Variants in PIGG observed in about 807,000 individuals in gnomAD.
PIGG encodes GPI ethanolamine phosphate transferase 2, catalytic subunit.
In PIGG, 70 loss-of-function variants were observed where a neutral mutation model predicts 83.2. The observed-to-expected ratio is 0.84, with a 90% confidence interval of 0.69 to 1.03. The LOEUF is 1.03. Ranked by LOEUF, PIGG falls within the 50% of genes least tolerant of loss-of-function variation. The pLI is 0.00. For synonymous variants in PIGG, 532 were observed against 519.5 expected, an observed-to-expected ratio of 1.02 and a Z score of -0.33; for missense variants, 1,257 against 1,233.6, an observed-to-expected ratio of 1.02 and a Z score of -0.28.
chr4:509,049 AT>A (rs782138633), intron 5 of PIGG, 79 bp downstream of exon 5: 7 of 1,247,872 alleles, frequency 5.6e-6, no homozygotes, highest in East Asian at 4.8e-5. Context: ...TTGAAAACCT[AT>A]TTTTTAGAAG....
chr4:534,080 G>C, intron 12 of PIGG, 99 bp downstream of exon 12: 1 of 973,656 alleles, frequency 1.0e-6, no homozygotes, highest in Middle Eastern at 2.9e-4. Context: ...AAGCTCCATG[G>C]GTCCAACAGT....
At chr4:525,374 A>G in intron 9 of PIGG, 10 of 985,250 alleles carry the variant, frequency 1.0e-5, no homozygotes, top group Non-Finnish European at 1.2e-5. Context: ...CAAAAGAAGC[A>G]GCACAATGAG....
Position 528,244 on chromosome 4 carries a change from T to G in PIGG, c.2261+1014T>G. The G allele has an allele frequency of 1.0e-6, 1 of 983,408 alleles. No homozygotes were observed. Among genetic ancestry groups the G allele is most frequent in the South Asian group, 4.7e-5 (1 of 21,252 alleles). 60.9% of individuals were successfully genotyped at this position (983,408 alleles called of 1,614,324 possible). ...TGTGTACCTGTTTTTTTTTTCATAC[T>G]TATATGAAAGACTACATACTTAAAA... On this transcript the variant is annotated intron_variant, in intron 10 of 12. Coordinates refer to ENST00000453061, the MANE Select transcript of PIGG (RefSeq NM_001127178.3). This position sits in a 1 kb window ranked among gnomAD's most constrained non-coding sequence, Gnocchi z 4.8.
At chr4:530,309 C>A in intron 10 of PIGG, 127 bp from the exon 11 acceptor site, 1 of 678,116 alleles carries the variant, frequency 1.5e-6, no homozygotes, top group Non-Finnish European at 2.5e-6. Flanking sequence ...GGTGCCGCGG[C>A]TCCTTTAGTC....
Position 505,811 on chromosome 4 carries a change from A to G in PIGG, c.454A>G (p.Lys152Glu). 1 of 1,613,632 alleles carries G rather than the reference A, an allele frequency of 6.2e-7. No individual in the cohort carries two copies. The highest frequency in any genetic ancestry group is 8.5e-7 in the Non-Finnish European group (1 of 1,179,874). ...GGAAGACAGTGTGATAAGACAAGCA[A>G]AAGCAGCTGGAAAAAGAATAGTCTT... ...LLEDSVIRQAKAAGKRIVFYG... is the reference protein window; with the variant it reads ...LLEDSVIRQAEAAGKRIVFYG... Residue 152 changes from lysine (K) to glutamate (E), a missense_variant, in exon 3 of 13, where the codon AAA becomes GAA. Lys to Glu is a moderately conservative substitution (Grantham distance 56). Coordinates refer to ENST00000453061, the MANE Select transcript of PIGG (RefSeq NM_001127178.3).
At chr4:534,756 C>T (rs990463312) in intron 12 of PIGG, among the ~76,000 whole-genome samples, 2 of 151,580 alleles carry the variant, frequency 1.3e-5, no homozygotes, top group Non-Finnish European at 2.9e-5. Context: ...ATCCACATCC[C>T]CATCTCCTGG....
intron 12 of PIGG, among the ~76,000 whole-genome samples, chr4:534,873 C>T (rs1730065718): frequency 1.3e-5 from 2 of 151,898 alleles, no homozygotes; most frequent in African/African-American, 4.8e-5. Flanking sequence ...CGGGGGACCC[C>T]AGATCAAGGG....
chr4:514,997 GTTCT>G (rs1344229915), intron 5 of PIGG, among the ~76,000 whole-genome samples: 2 of 152,346 alleles, frequency 1.3e-5, no homozygotes, highest in East Asian at 3.9e-4. Flanking sequence ...GGAGTGGAAG[GTTCT>G]TTCTAAGCAT....
rs1355765863 is a variant in PIGG, at chr4:516,009, A to G, written c.938A>G (p.Asp313Gly). The part of the protein sequence containing the change: ...IRHPKHVQQT[D>G]VAATLAIALG... ...CATCCAAAGCACGTCCAACAGACGGATGTGGCTGCGACACTGGCGATAGCA... is the reference window on the plus strand; with the variant it reads ...CATCCAAAGCACGTCCAACAGACGGGTGTGGCTGCGACACTGGCGATAGCA... The change falls in exon 6 of 13, where the codon GAT becomes GGT. Residue 313 changes from aspartate to glycine, a missense_variant. Asp to Gly is a moderately conservative substitution (Grantham distance 94). Coordinates refer to ENST00000453061, the MANE Select transcript of PIGG (RefSeq NM_001127178.3). The G allele has an allele frequency of 6.2e-7, 1 of 1,614,130 alleles. No individual in the cohort carries two copies. Among genetic ancestry groups the G allele is most frequent in the East Asian group, 2.2e-5 (1 of 44,904 alleles).
At chr4:508,746 G>A (rs1720809934) in intron 4 of PIGG, 83 bp from the exon 5 acceptor site, 2 of 1,331,908 alleles carry the variant, frequency 1.5e-6, no homozygotes, top group Non-Finnish European at 2.1e-6. Context: ...ATAAAGTAAA[G>A]CTAAAACCGA....
intron 5 of PIGG, among the ~76,000 whole-genome samples, chr4:513,065 C>T (rs539286746): frequency 6.6e-6 from 1 of 152,274 alleles, no homozygotes; most frequent in South Asian, 2.1e-4. Flanking sequence ...AGGGAGCAGG[C>T]CACGGTTCAA....
chr4:518,031 C>G (rs1044462548), intron 6 of PIGG, among the ~76,000 whole-genome samples: 1 of 152,082 alleles, frequency 6.6e-6, no homozygotes, highest in African/African-American at 2.4e-5. Flanking sequence ...AGATGTAAAC[C>G]GGCCTCCTAG....
rs760527742 is a variant in PIGG at position 539,291 on chromosome 4, G to A, written c.2874G>A (p.Glu958=). ...TATTTTCTCCAAAACTTCTCTACGA[G>A]GGAATGCACCTGCTCATTACAGCTG... is the stretch of plus-strand genomic sequence containing the variant. ...WSVFSPKLLY[E]GMHLLITAAV... is the part of the protein sequence containing the mutation. The change falls in exon 13 of 13, where the codon GAG becomes GAA. Residue 958 remains glutamate (E), a synonymous_variant. Transcript: ENST00000453061. The A allele has an allele frequency of 1.9e-6, 3 of 1,613,788 alleles. No individual in the cohort carries two copies. The highest frequency in any genetic ancestry group is 8.5e-7 in the Non-Finnish European group (1 of 1,179,702).
At chr4:508,513 A>G (rs575932994) in intron 4 of PIGG, among the ~76,000 whole-genome samples, 1 of 152,368 alleles carries the variant, frequency 6.6e-6, no homozygotes, top group African/African-American at 2.4e-5. Context: ...ACCAAGGCAC[A>G]GAGTAGAATG....
chr4:509,354 A>G (rs1026100122), intron 5 of PIGG, among the ~76,000 whole-genome samples: 3 of 152,354 alleles, frequency 2.0e-5, no homozygotes, highest in South Asian at 2.1e-4. Context: ...AACAAGAGTC[A>G]TGGGACCCGG....
chr4:503,778 A>G (rs547834594), intron 2 of PIGG, among the ~76,000 whole-genome samples: 6 of 151,834 alleles, frequency 4.0e-5, no homozygotes, highest in Non-Finnish European at 8.8e-5. Context: ...AAGAAGTTTG[A>G]GAGTAATTTG....
Position 539,190 on chromosome 4 carries a change from C to G in PIGG, c.2773C>G (p.Leu925Val), listed in dbSNP as rs1160184163. ...GAGTCATGCTTGCTTCTGCTACGCA[C>G]TGATTTGTTCTATTCCAGTTTTCAC... ...ALSHACFCYA[L>V]ICSIPVFTYI... Residue 925 changes from leucine (L) to valine (V), a missense_variant, in exon 13 of 13, where the codon CTG becomes GTG. Transcript: ENST00000453061. 1 of 1,613,432 alleles carries G rather than the reference C, an allele frequency of 6.2e-7. No individual in the cohort carries two copies. The highest frequency in any genetic ancestry group is 8.5e-7 in the Non-Finnish European group (1 of 1,179,448).
At chr4:526,623 C>T (rs896816957) in intron 9 of PIGG, among the ~76,000 whole-genome samples, 2 of 151,938 alleles carry the variant, frequency 1.3e-5, no homozygotes, top group African/African-American at 2.4e-5. Context: ...AACAAGAGGA[C>T]GGTTTCTATT....
Position 516,058 on chromosome 4 carries a change from C to T in PIGG, c.987C>T (p.Asp329=), listed in dbSNP as rs1412701662. The part of the protein sequence containing the change: ...AIALGLPIPK[D]SVGSLLFPVV... ...CACTTGGCTTACCGATTCCAAAAGA[C>T]AGTGTAGGGAGCCTCCTATTCCCAG... is the stretch of plus-strand genomic sequence containing the variant. The change falls in exon 6 of 13, where the codon GAC becomes GAT. Residue 329 remains aspartate, a synonymous_variant. Coordinates refer to ENST00000453061, the MANE Select transcript of PIGG (RefSeq NM_001127178.3). 1 of 1,614,104 alleles carries T rather than the reference C, an allele frequency of 6.2e-7. No homozygotes were observed. Among genetic ancestry groups the T allele is most frequent in the Admixed American group, 1.7e-5 (1 of 60,032 alleles).
Sources: gnomAD v4.1 joint callset for allele counts (sites outside exome capture counted in the v4.1 genomes callset) on GRCh38, gnomAD v4.1.1 for gene constraint, Gnocchi (gnomAD v3.1) non-coding constraint, MANE v1.5 for transcripts, NCBI Gene and HGNC (gene_info 2026-07-23, HGNC 2026-07-21) for gene names.